The following SLAMF8 variants were observed in gnomAD, a reference collection of about 807,000 sequenced individuals.
SLAMF8 encodes the protein SLAM family member 8.
A neutral mutation model predicts 29.0 loss-of-function variants in SLAMF8; 23 were observed. The ratio of observed to expected loss-of-function variants is 0.79; its 90% confidence interval spans 0.57 to 1.13. The LOEUF (loss-of-function observed/expected upper bound fraction) is 1.13, where lower values mean the gene tolerates loss of function less well. Among genes scored for constraint, SLAMF8 ranks in the 50% most tolerant of loss-of-function variants. SLAMF8 has a pLI of 0.00. For synonymous variants in SLAMF8, 139 were observed against 145.6 expected (o/e 0.96, Z 0.32); for missense variants, 381 against 353.1 (o/e 1.08, Z -0.63).
At position 159,836,955 on chromosome 1, in the gene SLAMF8, A is replaced by G. The variant is rs1296058972; in HGVS notation, c.*1695A>G. On this transcript the variant is annotated 3_prime_UTR_variant, in exon 5 of 5. Coordinates refer to ENST00000289707, the MANE Select transcript of SLAMF8 (RefSeq NM_020125.3). ...GTCAGGCCACATGCCTGGTCACTGA[A>G]TCATGCAAAACTGGCCTCAGTCCCT... is the stretch of plus-strand genomic sequence containing the variant. The G allele has an allele frequency of 2.0e-6, 2 of 985,416 alleles. No individual in the cohort carries two copies. The highest frequency in any genetic ancestry group is 2.4e-6 in the Non-Finnish European group (2 of 829,992). 61.0% of individuals were successfully genotyped at this position (985,416 alleles called of 1,614,324 possible).
Position 159,830,105 on chromosome 1 carries a change from G to T in SLAMF8, c.280G>T (p.Glu94Ter), listed in dbSNP as rs1647371521. The T allele has an allele frequency of 6.2e-7, 1 of 1,614,086 alleles. No individual in the cohort carries two copies. Among genetic ancestry groups the T allele is most frequent in the African/African-American group, 1.3e-5 (1 of 74,930 alleles). ...SNLSLELGPL[E>*]SGDSGNFSVL... is the part of the protein sequence containing the mutation. ...CCTCAGCCTGGAGCTCGGGCCGCTG[G>T]AGTCTGGAGACAGCGGCAACTTCTC... Residue 94 changes from glutamate to a stop codon, truncating the protein, a stop_gained, in exon 2 of 5, where the codon GAG becomes TAG. Transcript: ENST00000289707. LOFTEE classifies it high-confidence loss of function.
chr1:159,828,008 A>G (rs576021189), intron 1 of SLAMF8, among the ~76,000 whole-genome samples: 1 of 151,926 alleles, frequency 6.6e-6, no homozygotes, highest in African/African-American at 2.4e-5. Flanking sequence ...TAATGTTTGT[A>G]TTTTTAGTAG....
chr1:159,829,478 C>G (rs563537650), intron 1 of SLAMF8, among the ~76,000 whole-genome samples: 1 of 152,178 alleles, frequency 6.6e-6, no homozygotes, highest in Non-Finnish European at 1.5e-5. Flanking sequence ...TGCTCCAGGC[C>G]GCCCTCGGCT....
rs1647971380 is a variant in SLAMF8 at position 159,836,742 on chromosome 1, C to A, written c.*1482C>A. 1.0e-6 allele frequency: 1 copy of A among 985,590 alleles called. No homozygotes were observed. The highest frequency in any genetic ancestry group is 4.7e-5 in the South Asian group (1 of 21,282). The allele number at this position is 985,590 out of a possible 1,614,324, so 61.1% of individuals were successfully genotyped here. A position where few individuals can be genotyped will look rare whatever the true frequency, so the allele number is the denominator to read the frequency against. ...CTCCAGATCCACATCACCACTCTTC[C>A]ACTCGATTGTTCCCAGATCCTCCCT... On this transcript the variant is annotated 3_prime_UTR_variant, in exon 5 of 5. Coordinates refer to ENST00000289707, the MANE Select transcript of SLAMF8 (RefSeq NM_020125.3).
In SLAMF8 at chr1:159,835,871, T is replaced by C. The variant is rs970755988; in HGVS notation, c.*611T>C. 1 of 985,460 alleles carries C rather than the reference T, an allele frequency of 1.0e-6. No individual in the cohort carries two copies. The highest frequency in any genetic ancestry group is 1.7e-5 in the African/African-American group (1 of 57,352). 61.0% of individuals were successfully genotyped at this position (985,460 alleles called of 1,614,324 possible). Reference sequence around the variant, plus strand: ...AGGACTTTCAGGTAATCAGAGTTCATGGGCCCTCAAAGGTAAATTGCAGTT... The same window carrying C: ...AGGACTTTCAGGTAATCAGAGTTCACGGGCCCTCAAAGGTAAATTGCAGTT... On this transcript the variant is annotated 3_prime_UTR_variant, in exon 5 of 5. Coordinates refer to ENST00000289707, the MANE Select transcript of SLAMF8 (RefSeq NM_020125.3).
In SLAMF8 at chr1:159,835,906, G is replaced by A. The variant is rs78026238; in HGVS notation, c.*646G>A. 1,980 of 985,408 alleles carry A rather than the reference G, an allele frequency of 2.0e-3. 43 individuals carry two copies. The East Asian group carries it at 0.056, about 28-fold the overall frequency. 61.0% of individuals were successfully genotyped at this position (985,408 alleles called of 1,614,324 possible). ...AAGGTAAATTGCAGTTGTAGACACC[G>A]AGGATGGTTGACAACCCATGGTTGA... On this transcript the variant is annotated 3_prime_UTR_variant, in exon 5 of 5. Coordinates refer to ENST00000289707, the MANE Select transcript of SLAMF8 (RefSeq NM_020125.3).
Position 159,837,095 on chromosome 1 carries a change from C to A in SLAMF8, c.*1835C>A. 1 of 985,472 alleles carries A rather than the reference C, an allele frequency of 1.0e-6. No homozygotes were observed. Among genetic ancestry groups the A allele is most frequent in the Non-Finnish European group, 1.2e-6 (1 of 829,964 alleles). The allele number at this position is 985,472 out of a possible 1,614,324, so 61.0% of individuals were successfully genotyped here. On this transcript the variant is annotated 3_prime_UTR_variant, in exon 5 of 5. Transcript: ENST00000289707. ...TTCGTTCATCTCCAGGGCCCCACCT[C>A]AGATCAAAGCAGCTCTGGATGAGAT...
In SLAMF8 at chr1:159,836,018, G is replaced by T. The variant is rs1285107886; in HGVS notation, c.*758G>T. Reference sequence around the variant, plus strand: ...CTCACGCCTCCTGCAGGATCTGGGAGTGAGGGTGGAGAGTCTTTCCTCACG... The same window carrying T: ...CTCACGCCTCCTGCAGGATCTGGGATTGAGGGTGGAGAGTCTTTCCTCACG... On this transcript the variant is annotated 3_prime_UTR_variant, in exon 5 of 5. Coordinates refer to ENST00000289707, the MANE Select transcript of SLAMF8 (RefSeq NM_020125.3). 9.1e-6 allele frequency: 9 copies of T among 985,356 alleles called. No homozygotes were observed. In the African/African-American group the frequency reaches 1.4e-4, roughly 15 times the overall value. The allele number at this position is 985,356 out of a possible 1,614,324, so 61.0% of individuals were successfully genotyped here.
intron 1 of SLAMF8, among the ~76,000 whole-genome samples, chr1:159,829,247 G>A (rs557382246): frequency 1.6e-4 from 25 of 152,172 alleles, no homozygotes; most frequent in Admixed American, 6.5e-4. Flanking sequence ...ATCCTGTTAC[G>A]CTCCTGCTTA....
chr1:159,830,088 T>G lies in SLAMF8; in HGVS notation c.263T>G (p.Leu88Arg), dbSNP rs1028981827. ...GCCCAGCTACACAGCAACCTCAGCC[T>G]GGAGCTCGGGCCGCTGGAGTCTGGA... The part of the protein sequence containing the change: ...GRAQLHSNLS[L>R]ELGPLESGDS... Residue 88 changes from leucine (L) to arginine (R), a missense_variant, in exon 2 of 5, where the codon CTG becomes CGG. Coordinates refer to ENST00000289707, the MANE Select transcript of SLAMF8 (RefSeq NM_020125.3). The G allele has an allele frequency of 6.2e-7, 1 of 1,614,250 alleles. No homozygotes were observed. Among genetic ancestry groups the G allele is most frequent in the Non-Finnish European group, 8.5e-7 (1 of 1,180,042 alleles).
Position 159,837,172 on chromosome 1 carries a change from C to T in SLAMF8, c.*1912C>T. 1 of 985,476 alleles carries T rather than the reference C, an allele frequency of 1.0e-6. No individual in the cohort carries two copies. The highest frequency in any genetic ancestry group is 1.7e-5 in the African/African-American group (1 of 57,350). 61.0% of individuals were successfully genotyped at this position (985,476 alleles called of 1,614,324 possible). A position where few individuals can be genotyped will look rare whatever the true frequency, so the allele number is the denominator to read the frequency against. Reference sequence around the variant, plus strand: ...GTGACTCTTAGCAACCTCATTTCGACAGTGGTTTGTAGCGTGGTGCACCAG... The same window carrying T: ...GTGACTCTTAGCAACCTCATTTCGATAGTGGTTTGTAGCGTGGTGCACCAG... On this transcript the variant is annotated 3_prime_UTR_variant, in exon 5 of 5. Coordinates refer to ENST00000289707, the MANE Select transcript of SLAMF8 (RefSeq NM_020125.3).
At chr1:159,828,845 A>AG (rs36030976) in intron 1 of SLAMF8, among the ~76,000 whole-genome samples, 35,429 of 151,922 alleles carry the variant, frequency 0.23, 4,943 homozygotes, top group Middle Eastern at 0.34. Flanking sequence ...CAAAGGAGTC[A>AG]GGGGGGCACT....
chr1:159,829,750 G>A, intron 1 of SLAMF8, 116 bp from the exon 2 acceptor site: 4 of 1,080,914 alleles, frequency 3.7e-6, no homozygotes, highest in Non-Finnish European at 5.4e-6. Context: ...ACCTCAACTT[G>A]AGTGGAGGGA....
chr1:159,831,555 T>C (rs529885041), intron 2 of SLAMF8, among the ~76,000 whole-genome samples: 49 of 151,916 alleles, frequency 3.2e-4, no homozygotes, highest in Non-Finnish European at 6.5e-4. Context: ...CCTCCTCTGA[T>C]CTGAGTCTCA....
chr1:159,835,666 G>A lies in SLAMF8; in HGVS notation c.*406G>A, dbSNP rs1034150376. On this transcript the variant is annotated 3_prime_UTR_variant, in exon 5 of 5. Coordinates refer to ENST00000289707, the MANE Select transcript of SLAMF8 (RefSeq NM_020125.3). Reference sequence around the variant, plus strand: ...CCAGCCTGAGTCCTAGGCTCTAAAAGATATTACATATTTGAACTAATAGAG... The same window carrying A: ...CCAGCCTGAGTCCTAGGCTCTAAAAAATATTACATATTTGAACTAATAGAG... 2 of 994,994 alleles carry A rather than the reference G, an allele frequency of 2.0e-6. No individual in the cohort carries two copies. Among genetic ancestry groups the A allele is most frequent in the African/African-American group, 3.5e-5 (2 of 57,560 alleles). 61.6% of individuals were successfully genotyped at this position (994,994 alleles called of 1,614,324 possible).
At position 159,832,951 on chromosome 1, in the gene SLAMF8, T is replaced by G; in HGVS notation, c.443T>G (p.Val148Gly). The part of the protein sequence containing the change: ...RDAQPSKTCQ[V>G]FLSCWAPNIS... ...GCTCAGCCCTCCAAGACCTGCCAGG[T>G]TTTCTTGTCCTGTTGGGCCCCCAAC... The change falls in exon 3 of 5, where the codon GTT becomes GGT. Residue 148 changes from valine to glycine, a missense_variant. By Grantham distance (109) the Val-to-Gly change is moderately radical. Coordinates refer to ENST00000289707, the MANE Select transcript of SLAMF8 (RefSeq NM_020125.3). The G allele has an allele frequency of 6.2e-7, 1 of 1,614,192 alleles. No homozygotes were observed. The highest frequency in any genetic ancestry group is 8.5e-7 in the Non-Finnish European group (1 of 1,180,022).
Position 159,830,133 on chromosome 1 carries a change from T to C in SLAMF8, c.308T>C (p.Val103Ala), listed in dbSNP as rs753040323. Residue 103 changes from valine to alanine, a missense_variant, in exon 2 of 5, where the codon GTG becomes GCG. Physicochemically the swap from Val to Ala is moderately conservative, Grantham distance 64. Coordinates refer to ENST00000289707, the MANE Select transcript of SLAMF8 (RefSeq NM_020125.3). ...LESGDSGNFS[V>A]LMVDTRGQPW... Reference sequence around the variant, plus strand: ...TCTGGAGACAGCGGCAACTTCTCCGTGTTGATGGTGGACACAAGGGGCCAG... The same window carrying C: ...TCTGGAGACAGCGGCAACTTCTCCGCGTTGATGGTGGACACAAGGGGCCAG... 5.0e-6 allele frequency: 8 copies of C among 1,613,754 alleles called. No homozygotes were observed. In the African/African-American group the frequency reaches 9.3e-5, roughly 19 times the overall value.
chr1:159,830,523 C>T (rs1345975259), intron 2 of SLAMF8, among the ~76,000 whole-genome samples: 1 of 152,134 alleles, frequency 6.6e-6, no homozygotes. Flanking sequence ...GTAGAGTACC[C>T]ACAGGATGAA....
chr1:159,835,147 A>C, intron 4 of SLAMF8, 37 bp from the exon 5 acceptor site: 1 of 1,601,130 alleles, frequency 6.2e-7, no homozygotes. Flanking sequence ...GACTCCAAAC[A>C]CTGGAGGGGT....
Sources: gnomAD v4.1 joint callset for allele counts (sites outside exome capture counted in the v4.1 genomes callset) on GRCh38, gnomAD v4.1.1 for gene constraint, MANE v1.5 for transcripts, NCBI Gene and HGNC (gene_info 2026-07-23, HGNC 2026-07-21) for gene names.